Variants in NR3C2 observed in about 807,000 individuals in gnomAD.
NR3C2 encodes nuclear receptor subfamily 3 group C member 2.
Under a neutral mutation model 86.4 loss-of-function variants are expected in NR3C2, and 15 were observed. That is an observed-to-expected ratio of 0.17 (90% CI 0.12 to 0.27). The LOEUF (loss-of-function observed/expected upper bound fraction) is 0.27, where lower values mean the gene tolerates loss of function less well. NR3C2 is among the 10% of genes least tolerant of loss of function. The probability of loss-of-function intolerance (pLI) is 1.00; values close to 1 mark genes in which losing one functional copy is unlikely to be tolerated. For missense variants in NR3C2, 960 were observed against 1,195.6 expected (o/e 0.80, Z 2.91); for synonymous variants, 458 against 450.5 (o/e 1.02, Z -0.21).
chr4:148,365,622 A>G (rs993363762), intron 2 of NR3C2, among the ~76,000 whole-genome samples: 1 of 149,592 alleles, frequency 6.7e-6, no homozygotes, highest in Non-Finnish European at 1.5e-5. Context: ...TTAGTGTGGG[A>G]AATAAGAAGA....
At chr4:148,249,668 G>T (rs61758930) in intron 3 of NR3C2, among the ~76,000 whole-genome samples, 1 of 152,182 alleles carries the variant, frequency 6.6e-6, no homozygotes, top group Admixed American at 6.5e-5. Flanking sequence ...TCTTATACCT[G>T]TAAGGAGAAA....
intron 3 of NR3C2, among the ~76,000 whole-genome samples, chr4:148,235,906 C>A (rs929082338): frequency 6.6e-6 from 1 of 152,174 alleles, no homozygotes; most frequent in Non-Finnish European, 1.5e-5. Context: ...TACCTTTCTT[C>A]CTCCATCTTT....
intron 6 of NR3C2, among the ~76,000 whole-genome samples, chr4:148,125,574 ATATTT>A (rs1315256791): frequency 1.3e-5 from 2 of 152,096 alleles, no homozygotes; most frequent in African/African-American, 4.8e-5. Flanking sequence ...GCTTGGCTAT[ATATTT>A]AAGACTTTTT....
intron 2 of NR3C2, among the ~76,000 whole-genome samples, chr4:148,285,936 G>A (rs1741498864): frequency 6.6e-6 from 1 of 152,096 alleles, no homozygotes; most frequent in African/African-American, 2.4e-5. Flanking sequence ...ATTCTAGAGG[G>A]AAAATATTAA....
At chr4:148,158,346 G>T (rs3931397) in intron 4 of NR3C2, among the ~76,000 whole-genome samples, 16,078 of 152,176 alleles carry the variant, frequency 0.11, 976 homozygotes, top group South Asian at 0.17. Context: ...GCATTAATTT[G>T]TCTTTTGGGC....
rs1750028281 is a variant in NR3C2, at chr4:148,435,800, G to A, written c.1061C>T (p.Thr354Ile). 2 of 1,614,178 alleles carry A rather than the reference G, an allele frequency of 1.2e-6. No homozygotes were observed. Among genetic ancestry groups the A allele is most frequent in the Non-Finnish European group, 1.7e-6 (2 of 1,180,038 alleles). The change falls in exon 2 of 9, where the codon ACA becomes ATA. Residue 354 changes from threonine to isoleucine, a missense_variant. Transcript: ENST00000358102. ...TGGACTGGGAACCACATCCCGCAAT[G>A]TACTGGATCCAGCAGAGGTGCCAGA... ...TASGTSAGSS[T>I]LRDVVPSPDT...
intron 2 of NR3C2, among the ~76,000 whole-genome samples, chr4:148,397,898 C>T (rs1157181301): frequency 6.6e-6 from 1 of 152,206 alleles, no homozygotes; most frequent in Non-Finnish European, 1.5e-5. Context: ...AATTTATTCT[C>T]ACACAGTTCT....
chr4:148,308,678 G>T (rs1742759526), intron 2 of NR3C2, among the ~76,000 whole-genome samples: 1 of 152,066 alleles, frequency 6.6e-6, no homozygotes, highest in South Asian at 2.1e-4. Flanking sequence ...TAGCACTGTG[G>T]GATGGCTATA....
At chr4:148,444,880 T>C (rs926840914), upstream of NR3C2, 1 of 984,636 alleles carries the variant, frequency 1.0e-6, no homozygotes, top group Non-Finnish European at 1.2e-6. Context: ...GGCAGGAGGA[T>C]CCCGCGCCCG....
At chr4:148,230,593 G>A (rs1738410673) in intron 3 of NR3C2, among the ~76,000 whole-genome samples, 1 of 152,154 alleles carries the variant, frequency 6.6e-6, no homozygotes, top group Non-Finnish European at 1.5e-5. Flanking sequence ...GTAATATTTT[G>A]TATTATTGAA....
intron 2 of NR3C2, among the ~76,000 whole-genome samples, chr4:148,294,435 G>A (rs1383621805): frequency 1.3e-5 from 2 of 151,914 alleles, no homozygotes; most frequent in East Asian, 1.9e-4. Flanking sequence ...ATACGTTATA[G>A]GTTTTTTTCT....
At position 148,138,220 on chromosome 4, in the gene NR3C2, G is replaced by A. The variant is rs373385228; in HGVS notation, c.2510+14249C>T. 8.5e-5 allele frequency among the ~76,000 whole-genome samples: 13 copies of A among 152,280 alleles called. No individual in the cohort carries two copies. The South Asian group carries it at 1.5e-3, about 17-fold the overall frequency. On this transcript the variant is annotated intron_variant, in intron 6 of 8. Coordinates refer to ENST00000358102, the MANE Select transcript of NR3C2 (RefSeq NM_000901.5). Reference sequence around the variant, plus strand: ...CTCATTAACGACAATGTTAGGGACCGGGGCTTACGTCTTCAACAATTGAGC... The same window carrying A: ...CTCATTAACGACAATGTTAGGGACCAGGGCTTACGTCTTCAACAATTGAGC...
At chr4:148,234,853 G>A (rs1364839627) in intron 3 of NR3C2, among the ~76,000 whole-genome samples, 2 of 152,078 alleles carry the variant, frequency 1.3e-5, no homozygotes, top group Non-Finnish European at 2.9e-5. Context: ...GGGTACATAT[G>A]CAGGTTTGCT....
rs893557308 is a variant in NR3C2 at position 148,247,987 on chromosome 4, T to A, written c.1897+11991A>T. Among the ~76,000 whole-genome samples, 4 of 152,178 alleles carry A rather than the reference T, an allele frequency of 2.6e-5. No individual in the cohort carries two copies. In the East Asian group the frequency reaches 7.7e-4, roughly 29 times the overall value. On this transcript the variant is annotated intron_variant, in intron 3 of 8. Coordinates refer to ENST00000358102, the MANE Select transcript of NR3C2 (RefSeq NM_000901.5). ...GTCAGCTATTTCAATATTTTAGAGA[T>A]GCAACATAAGTAATTTTGAATTTTA... is the stretch of plus-strand genomic sequence containing the variant.
At chr4:148,444,321 A>G, upstream of NR3C2, 2 of 985,420 alleles carry the variant, frequency 2.0e-6, no homozygotes, top group Non-Finnish European at 2.4e-6. Flanking sequence ...GTGCAGGGGC[A>G]GCCGCCGCGA....
chr4:148,343,477 C>G (rs888770644), intron 2 of NR3C2, among the ~76,000 whole-genome samples: 1 of 151,158 alleles, frequency 6.6e-6, no homozygotes, highest in East Asian at 2.0e-4. Context: ...TAACCTGTTC[C>G]CCAGGATGCC....
Position 148,152,526 on chromosome 4 carries a change from G to A in NR3C2, c.2453C>T (p.Ser818Leu), listed in dbSNP as rs121912573. The A allele has an allele frequency of 6.2e-7, 1 of 1,614,082 alleles. No individual in the cohort carries two copies. Among genetic ancestry groups the A allele is most frequent in the Non-Finnish European group, 8.5e-7 (1 of 1,179,968 alleles). ...CLSSFALSWRSYKHTNSQFLY... is the reference protein window; with the variant it reads ...CLSSFALSWRLYKHTNSQFLY... ...AAATTGGCTGTTCGTATGTTTGTAC[G>A]ATCTCCAGCTCAAGGCAAATGATGA... Residue 818 changes from serine (S) to leucine (L), a missense_variant, in exon 6 of 9, where the codon TCG becomes TTG. This residue lies in a region of NR3C2 where 151 missense variants were observed against 296.3 expected (regional missense o/e 0.51). Coordinates refer to ENST00000358102, the MANE Select transcript of NR3C2 (RefSeq NM_000901.5).
At chr4:148,282,705 G>A (rs949126559) in intron 2 of NR3C2, among the ~76,000 whole-genome samples, 2 of 152,152 alleles carry the variant, frequency 1.3e-5, no homozygotes, top group Non-Finnish European at 1.5e-5. Context: ...AAAATATCCT[G>A]ATATTGCCTA....
chr4:148,411,524 T>C (rs958594762), intron 2 of NR3C2, among the ~76,000 whole-genome samples: 6 of 152,362 alleles, frequency 3.9e-5, no homozygotes, highest in East Asian at 3.9e-4. Context: ...TTCCATTATA[T>C]GCACACATAA....
Sources: allele counts gnomAD v4.1 joint callset (sites outside exome capture counted in the v4.1 genomes callset), GRCh38; gene constraint gnomAD v4.1.1; regional missense constraint gnomAD v4.1.1; transcripts MANE v1.5; gene names NCBI Gene and HGNC (gene_info 2026-07-23, HGNC 2026-07-21).